The following NBEA variants were observed in gnomAD, a reference collection of about 807,000 sequenced individuals.
NBEA encodes the protein lysosomal-trafficking regulator 2.
A neutral mutation model predicts 343.4 loss-of-function variants in NBEA; 44 were observed. That is an observed-to-expected ratio of 0.13 (90% CI 0.10 to 0.16). The LOEUF is 0.16. NBEA is among the 10% of genes least tolerant of loss of function. NBEA has a pLI of 1.00. For synonymous variants in NBEA, 1,175 were observed against 1,238.7 expected (o/e 0.95, Z 1.08); for missense variants, 2,555 against 3,631.3 (o/e 0.70, Z 7.62).
chr13:35,031,087 CA>C (rs1041129829), intron 1 of NBEA, among the ~76,000 whole-genome samples: 8 of 151,644 alleles, frequency 5.3e-5, no homozygotes, highest in African/African-American at 1.9e-4. Flanking sequence ...CTCTACAATT[CA>C]AGTGTATACC....
At chr13:35,015,139 AC>A (rs67688141) in intron 1 of NBEA, among the ~76,000 whole-genome samples, 47,677 of 66,826 alleles carry the variant, frequency 0.71, 20,610 homozygotes, top group East Asian at 0.75. Context: ...AAAAAAAAAA[AC>A]AAACAAAAAA....
chr13:35,427,673 C>A (rs1272861357), intron 38 of NBEA, among the ~76,000 whole-genome samples: 1 of 152,196 alleles, frequency 6.6e-6, no homozygotes, highest in Non-Finnish European at 1.5e-5. Flanking sequence ...CAGACAGGGA[C>A]ATTTAAGTCT....
intron 35 of NBEA, among the ~76,000 whole-genome samples, chr13:35,299,874 A>G (rs2036420524): frequency 6.6e-6 from 1 of 152,156 alleles, no homozygotes; most frequent in Non-Finnish European, 1.5e-5. Flanking sequence ...GTTTTCATGT[A>G]TCTGTGTGCC....
intron 41 of NBEA, chr13:35,476,143 G>T: frequency 6.2e-7 from 1 of 1,613,880 alleles, no homozygotes; most frequent in South Asian, 1.1e-5. Flanking sequence ...AATCATGTTG[G>T]GGCAGAGATC....
chr13:35,449,163 A>G (rs1481476198), intron 39 of NBEA, among the ~76,000 whole-genome samples: 4 of 152,250 alleles, frequency 2.6e-5, no homozygotes, highest in Admixed American at 2.6e-4. Context: ...AAGCCATGCT[A>G]AGAAGTTTGG....
intron 31 of NBEA, among the ~76,000 whole-genome samples, chr13:35,207,473 G>A (rs1263068098): frequency 6.6e-6 from 1 of 152,076 alleles, no homozygotes; most frequent in Non-Finnish European, 1.5e-5. Context: ...GTTGAGTAAG[G>A]TTTGGAAGAT....
intron 34 of NBEA, among the ~76,000 whole-genome samples, chr13:35,241,966 A>G (rs1472580135): frequency 1.3e-5 from 2 of 152,092 alleles, no homozygotes; most frequent in Middle Eastern, 3.4e-3. Flanking sequence ...AGAAGTGACT[A>G]TATTTTTTAA....
intron 10 of NBEA, among the ~76,000 whole-genome samples, chr13:35,082,470 C>G (rs907484120): frequency 6.6e-6 from 1 of 152,154 alleles, no homozygotes; most frequent in African/African-American, 2.4e-5. Context: ...ATTTCTAGTT[C>G]TAGATCCCTG....
chr13:35,642,115 T>C (rs2083987523), intron 49 of NBEA, among the ~76,000 whole-genome samples: 1 of 152,206 alleles, frequency 6.6e-6, no homozygotes, highest in East Asian at 1.9e-4. Flanking sequence ...AAACGTTTTG[T>C]TAGCCACATT....
chr13:35,359,859 T>TGA (rs966357307), intron 38 of NBEA, among the ~76,000 whole-genome samples: 17 of 149,436 alleles, frequency 1.1e-4, no homozygotes, highest in African/African-American at 3.8e-4. Flanking sequence ...TGTGTGTGTG[T>TGA]GAGATCTCAG....
intron 34 of NBEA, among the ~76,000 whole-genome samples, chr13:35,254,673 T>G (rs2032381499): frequency 6.6e-6 from 1 of 152,068 alleles, no homozygotes; most frequent in African/African-American, 2.4e-5. Context: ...TTAATTTTGT[T>G]CCTATTTTAA....
chr13:35,285,607 A>C (rs1326121040), intron 34 of NBEA, among the ~76,000 whole-genome samples: 1 of 152,122 alleles, frequency 6.6e-6, no homozygotes, highest in African/African-American at 2.4e-5. Context: ...TTGTTAAAAT[A>C]GTTGTCTAAA....
intron 48 of NBEA, among the ~76,000 whole-genome samples, chr13:35,615,232 G>A (rs1219666068): frequency 6.8e-6 from 1 of 147,720 alleles, no homozygotes; most frequent in African/African-American, 2.5e-5. Context: ...GGTGGACAGT[G>A]AGGCAACATC....
chr13:35,425,433 C>G (rs2044595596), intron 38 of NBEA, among the ~76,000 whole-genome samples: 1 of 152,158 alleles, frequency 6.6e-6, no homozygotes, highest in Non-Finnish European at 1.5e-5. Flanking sequence ...GCAGGTTGTT[C>G]AGTTTCCATG....
intron 34 of NBEA, among the ~76,000 whole-genome samples, chr13:35,287,001 C>T (rs1440427958): frequency 6.6e-6 from 1 of 152,144 alleles, no homozygotes; most frequent in Non-Finnish European, 1.5e-5. Context: ...CTTAGCCACT[C>T]AGTGAGCTGA....
chr13:35,627,135 C>T (rs1047225546), intron 48 of NBEA, among the ~76,000 whole-genome samples: 3 of 152,068 alleles, frequency 2.0e-5, no homozygotes, highest in Non-Finnish European at 4.4e-5. Flanking sequence ...GTTTCAACAC[C>T]ATGGAAATCA....
chr13:35,454,913 T>A (rs1420771210), intron 40 of NBEA, among the ~76,000 whole-genome samples: 2 of 151,812 alleles, frequency 1.3e-5, no homozygotes, highest in Admixed American at 1.3e-4. Context: ...CAGGAAATCC[T>A]AAAATCGGTG....
At chr13:35,027,633 A>G (rs2062061494) in intron 1 of NBEA, among the ~76,000 whole-genome samples, 1 of 151,866 alleles carries the variant, frequency 6.6e-6, no homozygotes, top group Admixed American at 6.6e-5. Flanking sequence ...TGTAGCTTAT[A>G]TTTTCAACTT....
At chr13:35,573,087 A>G (rs1439542029) in intron 45 of NBEA, among the ~76,000 whole-genome samples, 2 of 152,320 alleles carry the variant, frequency 1.3e-5, no homozygotes, top group South Asian at 2.1e-4. Context: ...GTTTCAATGT[A>G]TGTTGAATGC....
Sources: allele counts gnomAD v4.1 joint callset (sites outside exome capture counted in the v4.1 genomes callset), GRCh38; gene constraint gnomAD v4.1.1; transcripts MANE v1.5; gene names NCBI Gene and HGNC (gene_info 2026-07-23, HGNC 2026-07-21).